The following C11orf65 variants were observed in gnomAD, a reference collection of about 807,000 sequenced individuals.
The protein encoded by C11orf65 is protein MFI.
In C11orf65, 38 loss-of-function variants were observed where a neutral mutation model predicts 35.3. That is an observed-to-expected ratio of 1.08 (90% CI 0.83 to 1.41). The LOEUF is 1.41. Ranked by LOEUF, C11orf65 falls within the 40% of genes most tolerant of loss-of-function variation. The pLI, the probability that C11orf65 is intolerant of heterozygous loss-of-function variation, is 0.00. For synonymous variants in C11orf65, 105 were observed against 114.4 expected (o/e 0.92, Z 0.53); for missense variants, 370 against 367.1 (o/e 1.01, Z -0.06).
At chr11:108,323,412 G>A (rs899509923) in intron 6 of C11orf65, among the ~76,000 whole-genome samples, 13 of 152,152 alleles carry the variant, frequency 8.5e-5, no homozygotes. Context: ...GTTGTGGAGG[G>A]AGAGGATGAA....
chr11:108,405,680 G>A (rs2092528124), intron 5 of C11orf65, 121 bp from the exon 6 acceptor site: 1 of 993,686 alleles, frequency 1.0e-6, no homozygotes. Context: ...CAGAGGAGAG[G>A]ATAGATACTT....
chr11:108,315,771 T>A (rs1000320484), intron 6 of C11orf65: 15 of 1,467,390 alleles, frequency 1.0e-5, no homozygotes, highest in African/African-American at 7.0e-5. Context: ...TTGCTAAATT[T>A]ATAGACCGAT....
rs1006410282 is a variant in C11orf65 at position 108,375,747 on chromosome 11, C to T, written c.226+17461G>A. 7.3e-4 allele frequency among the ~76,000 whole-genome samples: 111 copies of T among 152,058 alleles called. 1 individual carries two copies. Among genetic ancestry groups the T allele is most frequent in the African/African-American group, 2.5e-3 (105 of 41,500 alleles). ...TGCTGTATTCAGGAAACCCATCTCA[C>T]GTGCAGAGACACACATAGGCTCAAA... On this transcript the variant is annotated intron_variant, in intron 2 of 3. Transcript: ENST00000524755.
intron 2 of C11orf65, among the ~76,000 whole-genome samples, chr11:108,353,380 C>A (rs1189708718): frequency 6.6e-6 from 1 of 152,168 alleles, no homozygotes; most frequent in Admixed American, 6.5e-5. Flanking sequence ...TAACTCCTGA[C>A]CTCAGGTGTC....
intron 6 of C11orf65, among the ~76,000 whole-genome samples, chr11:108,393,739 T>C (rs1237295378): frequency 1.3e-5 from 2 of 151,504 alleles, no homozygotes; most frequent in Non-Finnish European, 2.9e-5. Flanking sequence ...CTTTGAGGAG[T>C]TAAGTAAATT....
At chr11:108,367,111 C>T in intron 2 of C11orf65, 1 of 180,778 alleles carries the variant, frequency 5.5e-6, no homozygotes, top group Non-Finnish European at 1.2e-5. Flanking sequence ...CCTCAGCCTC[C>T]CGAGTAGCTG....
intron 1 of C11orf65, among the ~76,000 whole-genome samples, chr11:108,467,214 C>A (rs140181775): frequency 3.3e-5 from 5 of 152,150 alleles, no homozygotes; most frequent in Non-Finnish European, 5.9e-5. Flanking sequence ...GTCAACCAGC[C>A]CGACGCAACT....
intron 7 of C11orf65, among the ~76,000 whole-genome samples, chr11:108,390,366 C>T (rs940542972): frequency 1.3e-5 from 2 of 152,208 alleles, no homozygotes; most frequent in Non-Finnish European, 2.9e-5. Context: ...ACTTCACCTA[C>T]TATCACTTAG....
At chr11:108,378,974 A>G (rs535528196), downstream of C11orf65, among the ~76,000 whole-genome samples, 125 of 152,214 alleles carry the variant, frequency 8.2e-4, no homozygotes, top group African/African-American at 2.9e-3. Flanking sequence ...AAGTCAGGAA[A>G]CAACAGGTGC....
At chr11:108,313,366 C>T (rs1273625918) in intron 6 of C11orf65, among the ~76,000 whole-genome samples, 2 of 152,198 alleles carry the variant, frequency 1.3e-5, no homozygotes, top group Non-Finnish European at 2.9e-5. Context: ...TCCTTCCTCT[C>T]ACAGACAAAC....
rs367996967 is a variant in C11orf65 at position 108,406,965 on chromosome 11, T to C, written c.229-2A>G. 6.2e-6 allele frequency: 10 copies of C among 1,602,014 alleles called. No homozygotes were observed. The highest frequency in any genetic ancestry group is 7.7e-6 in the Non-Finnish European group (9 of 1,170,146). On this transcript the variant is annotated splice_acceptor_variant, in intron 4 of 8. Transcript: ENST00000393084. LOFTEE classifies it high-confidence loss of function. ...GTATATATCAGGTGGAAATTTAACC[T>C]GTAGAAGGAAAAGTTCAAAGAGCCA...
chr11:108,422,981 G>A (rs1161494736), intron 3 of C11orf65, among the ~76,000 whole-genome samples: 3 of 151,992 alleles, frequency 2.0e-5, no homozygotes, highest in Admixed American at 2.0e-4. Context: ...AATAAATCTT[G>A]TATAATATGA....
At chr11:108,309,962 C>G (rs2084002434) in intron 6 of C11orf65, among the ~76,000 whole-genome samples, 1 of 151,926 alleles carries the variant, frequency 6.6e-6, no homozygotes, top group Non-Finnish European at 1.5e-5. Context: ...AAAAGAAAAA[C>G]CAAAAAGATT....
At chr11:108,349,940 G>A (rs1013424957) in intron 2 of C11orf65, among the ~76,000 whole-genome samples, 4 of 152,146 alleles carry the variant, frequency 2.6e-5, no homozygotes, top group African/African-American at 9.7e-5. Context: ...CAATAGGAAA[G>A]TCTTAAGCTG....
chr11:108,401,057 C>T lies in C11orf65; in HGVS notation c.560+4372G>A, dbSNP rs528634885. ...CTGGGAGGCAGAGGTTGCAGTGAGC[C>T]GAGATTGCGCCACTGCACTCCAGCC... On this transcript the variant is annotated intron_variant, in intron 6 of 8. Coordinates refer to ENST00000393084, the MANE Select transcript of C11orf65 (RefSeq NM_152587.5). 3.0e-4 allele frequency among the ~76,000 whole-genome samples: 45 copies of T among 151,698 alleles called. No homozygotes were observed. In the South Asian group the frequency reaches 8.4e-3, roughly 28 times the overall value.
intron 3 of C11orf65, among the ~76,000 whole-genome samples, chr11:108,424,688 C>A (rs771527408): frequency 7.2e-5 from 11 of 152,154 alleles, no homozygotes; most frequent in Non-Finnish European, 1.6e-4. Context: ...GAACTCTCCA[C>A]CCCAAAGCAA....
chr11:108,409,083 T>C (rs1185819939), intron 3 of C11orf65, among the ~76,000 whole-genome samples: 2 of 152,208 alleles, frequency 1.3e-5, no homozygotes, highest in Non-Finnish European at 2.9e-5. Flanking sequence ...AATTTTTACA[T>C]ATGTATTGTA....
At chr11:108,362,948 A>G (rs569916499) in intron 2 of C11orf65, among the ~76,000 whole-genome samples, 5 of 152,200 alleles carry the variant, frequency 3.3e-5, no homozygotes, top group Admixed American at 6.5e-5. Context: ...ATAAAAGTAT[A>G]ATTTAAAAAA....
At chr11:108,450,544 T>C (rs944924748) in intron 2 of C11orf65, among the ~76,000 whole-genome samples, 2 of 143,060 alleles carry the variant, frequency 1.4e-5, no homozygotes, top group African/African-American at 5.3e-5. Flanking sequence ...AAACACCACA[T>C]GTTGTCACTC....
Sources: gnomAD v4.1 joint callset for allele counts (sites outside exome capture counted in the v4.1 genomes callset) on GRCh38, gnomAD v4.1.1 for gene constraint, MANE v1.5 for transcripts, NCBI Gene and HGNC (gene_info 2026-07-23, HGNC 2026-07-21) for gene names.